Variants in ZNF208 observed in about 807,000 individuals in gnomAD.
ZNF208 encodes the protein zinc finger protein 208, also known as zinc finger protein 95.
ZNF208 carries 10 observed loss-of-function variants against 12.1 expected under a neutral mutation model. The ratio of observed to expected loss-of-function variants is 0.83; its 90% CI spans 0.51 to 1.40. ZNF208 has a LOEUF of 1.40. ZNF208 is among the 40% of genes most tolerant of loss of function. The pLI is 0.00. For missense variants in ZNF208, 1,652 were observed against 1,485.0 expected (o/e 1.11, Z -1.85); for synonymous variants, 497 against 488.4 (o/e 1.02, Z -0.23).
intron 4 of ZNF208, among the ~76,000 whole-genome samples, chr19:21,959,262 T>C (rs1970025572): frequency 6.6e-6 from 1 of 152,218 alleles, no homozygotes; most frequent in South Asian, 2.1e-4. Context: ...ACAAAATCAT[T>C]CTGGGTATGT....
intron 4 of ZNF208, among the ~76,000 whole-genome samples, chr19:21,960,826 T>G (rs1313910824): frequency 6.6e-6 from 1 of 152,190 alleles, no homozygotes; most frequent in Non-Finnish European, 1.5e-5. Flanking sequence ...AAAACCTCAT[T>G]TGAAATTTCC....
Position 21,969,749 on chromosome 19 carries a change from T to A in ZNF208, c.*1442A>T, listed in dbSNP as rs531076971. ...AGTACATGTACTACAACCCTCTTAA[T>A]ATTTATAATGTGTTTCCTCAAAATA... On this transcript the variant is annotated 3_prime_UTR_variant, in exon 4 of 4. Coordinates refer to ENST00000397126, the MANE Select transcript of ZNF208 (RefSeq NM_007153.3). 2.0e-5 allele frequency among the ~76,000 whole-genome samples: 3 copies of A among 152,184 alleles called. No homozygotes were observed. The highest frequency in any genetic ancestry group is 7.2e-5 in the African/African-American group (3 of 41,456).
In ZNF208 at chr19:21,957,275, T is replaced by TG. The variant is rs1969991462; in HGVS notation, c.305+17453dup. 2.6e-5 allele frequency among the ~76,000 whole-genome samples: 4 copies of TG among 152,276 alleles called. No homozygotes were observed. The South Asian group carries it at 8.3e-4, about 32-fold the overall frequency. ...GGATGATCTTGAACTCTTGACCTCGTGATCTGCCCACCTCAGCATTCCAAA... is the reference window on the plus strand; with the variant it reads ...GGATGATCTTGAACTCTTGACCTCGTGGATCTGCCCACCTCAGCATTCCAAA... On this transcript the variant is annotated intron_variant, in intron 4 of 4. Transcript: ENST00000599916.
Position 21,972,219 on chromosome 19 carries a change from G to A in ZNF208, c.2815C>T (p.His939Tyr). 6.2e-7 allele frequency: 1 copy of A among 1,613,192 alleles called. No homozygotes were observed. The highest frequency in any genetic ancestry group is 8.5e-7 in the Non-Finnish European group (1 of 1,179,850). ...CATTTGTAGAATTTCTCTCCAGCAT[G>A]AGTTTTCTTATGTTTACTAAAGACT... ...LSVFSKHKKT[H>Y]AGEKFYKCEA... Residue 939 changes from histidine (H) to tyrosine (Y), a missense_variant, in exon 4 of 4, where the codon CAT becomes TAT. His to Tyr is a moderately conservative substitution (Grantham distance 83). Around this residue, in one of 3 missense-constraint regions of ZNF208, gnomAD observed 1,239 missense variants for 1,086.2 expected, o/e 1.14. Coordinates refer to ENST00000397126, the MANE Select transcript of ZNF208 (RefSeq NM_007153.3).
At position 21,970,731 on chromosome 19, in the gene ZNF208, G is replaced by C; in HGVS notation, c.*460C>G. ...CATGAATTTTCTTATGTGTAGGAGG[G>C]TTGGGAACTGTTTAAAAGCTTTGCC... is the stretch of plus-strand genomic sequence containing the variant. On this transcript the variant is annotated 3_prime_UTR_variant, in exon 4 of 4. Coordinates refer to ENST00000397126, the MANE Select transcript of ZNF208 (RefSeq NM_007153.3). 3 of 1,259,576 alleles carry C rather than the reference G, an allele frequency of 2.4e-6. No homozygotes were observed. Among genetic ancestry groups the C allele is most frequent in the South Asian group, 1.2e-5 (1 of 83,488 alleles). 78.0% of individuals were successfully genotyped at this position (1,259,576 alleles called of 1,614,324 possible). A position where few individuals can be genotyped will look rare whatever the true frequency, so the allele number is the denominator to read the frequency against.
At position 21,969,940 on chromosome 19, in the gene ZNF208, T is replaced by C. The variant is rs974835740; in HGVS notation, c.*1251A>G. On this transcript the variant is annotated 3_prime_UTR_variant, in exon 4 of 4. Coordinates refer to ENST00000397126, the MANE Select transcript of ZNF208 (RefSeq NM_007153.3). Reference sequence around the variant, plus strand: ...TTTTTTCCAGACAGTCTCTCTCTGTTGCCCAGGCTAGTGTAAATGCTTTCC... The same window carrying C: ...TTTTTTCCAGACAGTCTCTCTCTGTCGCCCAGGCTAGTGTAAATGCTTTCC... Among the ~76,000 whole-genome samples, 2 of 152,180 alleles carry C rather than the reference T, an allele frequency of 1.3e-5. No homozygotes were observed. The highest frequency in any genetic ancestry group is 4.8e-5 in the African/African-American group (2 of 41,462).
chr19:21,992,012 C>G (rs778332432), intron 1 of ZNF208, among the ~76,000 whole-genome samples: 26 of 151,814 alleles, frequency 1.7e-4, no homozygotes, highest in Non-Finnish European at 5.9e-5. Flanking sequence ...ATTGAATGAG[C>G]CTGTGTTTTT....
intron 4 of ZNF208, among the ~76,000 whole-genome samples, chr19:21,947,921 G>T (rs1243195609): frequency 1.3e-5 from 2 of 152,158 alleles, no homozygotes; most frequent in Non-Finnish European, 1.5e-5. Flanking sequence ...GAGCGGGATG[G>T]AAAGCTAGGT....
downstream of ZNF208, among the ~76,000 whole-genome samples, chr19:21,965,204 CAG>C (rs1026619225): frequency 3.1e-4 from 47 of 151,884 alleles, no homozygotes; most frequent in African/African-American, 1.1e-3. Context: ...TATAATAAAT[CAG>C]AAACTATAAA....
intron 4 of ZNF208, among the ~76,000 whole-genome samples, chr19:21,955,808 C>T (rs1431565799): frequency 6.6e-6 from 1 of 152,146 alleles, no homozygotes; most frequent in Non-Finnish European, 1.5e-5. Flanking sequence ...TTGTTATTAC[C>T]AATCGTCTGA....
rs1970369827 is a variant in ZNF208, at chr19:21,973,977, A to C, written c.1057T>G (p.Phe353Val). 1.2e-6 allele frequency: 2 copies of C among 1,612,914 alleles called. No individual in the cohort carries two copies. Among genetic ancestry groups the C allele is most frequent in the Non-Finnish European group, 1.7e-6 (2 of 1,179,696 alleles). The stretch of plus-strand genomic sequence containing the variant: ...ACCTTATGTTTAGTAAGGATTGAGA[A>C]CTTACTAAAGGCTTTGCCACATTCT... ...CKECGKAFSK[F>V]SILTKHKVIH... The change falls in exon 4 of 4, where the codon TTC becomes GTC. Residue 353 changes from phenylalanine (F) to valine (V), a missense_variant. By Grantham distance (50) the Phe-to-Val change is conservative (BLOSUM62 -1). Around this residue, in one of 3 missense-constraint regions of ZNF208, gnomAD observed 1,239 missense variants for 1,086.2 expected, o/e 1.14. Coordinates refer to ENST00000397126, the MANE Select transcript of ZNF208 (RefSeq NM_007153.3).
chr19:22,006,714 G>A (rs903214509), intron 1 of ZNF208, among the ~76,000 whole-genome samples: 2 of 152,084 alleles, frequency 1.3e-5, no homozygotes, highest in African/African-American at 4.8e-5. Context: ...GCAGTCATTA[G>A]GCTCAAGCTT....
intron 1 of ZNF208, among the ~76,000 whole-genome samples, chr19:21,999,359 T>C (rs1178212802): frequency 6.6e-6 from 1 of 152,144 alleles, no homozygotes; most frequent in Non-Finnish European, 1.5e-5. Flanking sequence ...GAAAATACTG[T>C]TTATATGAAT....
At chr19:22,003,477 T>A in intron 1 of ZNF208, among the ~76,000 whole-genome samples, 1 of 145,350 alleles carries the variant, frequency 6.9e-6, no homozygotes, top group African/African-American at 2.6e-5. Context: ...TAAAACAAGT[T>A]TACAAGAAAA....
At chr19:21,951,952 G>A (rs556438096) in intron 4 of ZNF208, among the ~76,000 whole-genome samples, 2 of 152,336 alleles carry the variant, frequency 1.3e-5, no homozygotes, top group East Asian at 3.9e-4. Context: ...CCCAAATGCT[G>A]TGCCTTTCCC....
chr19:21,954,672 T>TCC (rs1969944500), intron 4 of ZNF208, among the ~76,000 whole-genome samples: 1 of 152,150 alleles, frequency 6.6e-6, no homozygotes, highest in Non-Finnish European at 1.5e-5. Flanking sequence ...CTTTTTTTGG[T>TCC]TTTCCATTTG....
chr19:21,942,139 G>A (rs1297451491), intron 4 of ZNF208, among the ~76,000 whole-genome samples: 1 of 152,002 alleles, frequency 6.6e-6, no homozygotes, highest in Non-Finnish European at 1.5e-5. Flanking sequence ...TATGAATACA[G>A]GCATTCAATT....
chr19:21,956,180 C>G (rs1479351054), intron 4 of ZNF208, among the ~76,000 whole-genome samples: 1 of 152,178 alleles, frequency 6.6e-6, no homozygotes, highest in African/African-American at 2.4e-5. Context: ...ATATTGCTGC[C>G]TGATCCTTCC....
At chr19:21,961,517 A>G (rs1970069892), downstream of ZNF208, among the ~76,000 whole-genome samples, 1 of 152,170 alleles carries the variant, frequency 6.6e-6, no homozygotes, top group Non-Finnish European at 1.5e-5. Flanking sequence ...ATTGGGTTCG[A>G]GAGCAGAGAA....
Sources: gnomAD v4.1 joint callset for allele counts (sites outside exome capture counted in the v4.1 genomes callset) on GRCh38, gnomAD v4.1.1 for gene constraint, gnomAD v4.1.1 regional missense constraint, MANE v1.5 for transcripts, NCBI Gene and HGNC (gene_info 2026-07-23, HGNC 2026-07-21) for gene names.